NIT1: variants seen among roughly 807,000 people sequenced by gnomAD.
NIT1 encodes the protein deaminated glutathione amidase.
In NIT1, 30 loss-of-function variants were observed where a neutral mutation model predicts 36.8. The observed-to-expected ratio is 0.82, with a 90% CI of 0.61 to 1.11. The LOEUF is 1.11. Ranked by LOEUF, NIT1 falls within the 50% of genes least tolerant of loss-of-function variation. The pLI, the probability that NIT1 is intolerant of heterozygous loss-of-function variation, is 0.00. For missense variants in NIT1, 438 were observed against 410.6 expected, an observed-to-expected ratio of 1.07 and a Z score of -0.58; for synonymous variants, 151 against 155.6, an observed-to-expected ratio of 0.97 and a Z score of 0.22.
At chr1:161,120,023 TAA>T in intron 5 of NIT1, 71 bp downstream of exon 5, 1 of 1,607,470 alleles carries the variant, frequency 6.2e-7, no homozygotes, top group East Asian at 2.2e-5. Context: ...TAGAAAGCCC[TAA>T]GAGAGGGGGT....
At chr1:161,123,956 G>A (rs779214675), downstream of NIT1, 1 of 1,612,816 alleles carries the variant, frequency 6.2e-7, no homozygotes, top group East Asian at 2.2e-5. Flanking sequence ...ACTGTAGGAG[G>A]AGAAGTAATC....
downstream of NIT1, among the ~76,000 whole-genome samples, chr1:161,123,467 G>C (rs1056512957): frequency 1.3e-5 from 2 of 151,948 alleles, no homozygotes; most frequent in African/African-American, 4.8e-5. Flanking sequence ...GTGAAACCCC[G>C]TCTCTAAAAA....
Position 161,120,955 on chromosome 1 carries a change from C to G in NIT1, c.*190C>G, listed in dbSNP as rs974422547. Reference sequence around the variant, plus strand: ...CACCTGAGCTTCACCTGAGGTCAGACTGCAGTTTCAGAAAGGTGGAATTTT... The same window carrying G: ...CACCTGAGCTTCACCTGAGGTCAGAGTGCAGTTTCAGAAAGGTGGAATTTT... On this transcript the variant is annotated 3_prime_UTR_variant, in exon 7 of 7. Coordinates refer to ENST00000368009, the MANE Select transcript of NIT1 (RefSeq NM_005600.3). 8 of 1,420,788 alleles carry G rather than the reference C, an allele frequency of 5.6e-6. No individual in the cohort carries two copies. The African/African-American group carries it at 1.2e-4, about 20-fold the overall frequency. 88.0% of individuals were successfully genotyped at this position (1,420,788 alleles called of 1,614,324 possible). A position where few individuals can be genotyped will look rare whatever the true frequency, so the allele number is the denominator to read the frequency against.
Position 161,120,020 on chromosome 1 carries a change from C to A in NIT1, c.591+68C>A, listed in dbSNP as rs927955933. ...TGAACTGGCAGTAGAGGATAGAAAG[C>A]CCTAAGAGAGGGGGTAATGGAAATA... On this transcript the variant is annotated intron_variant, in intron 5 of 6. Coordinates refer to ENST00000368009, the MANE Select transcript of NIT1 (RefSeq NM_005600.3). 27 of 1,606,316 alleles carry A rather than the reference C, an allele frequency of 1.7e-5. No individual in the cohort carries two copies. In the African/African-American group the frequency reaches 2.9e-4, roughly 18 times the overall value.
At chr1:161,125,298 C>T (rs1006673231), downstream of NIT1, 3 of 152,120 alleles carry the variant, frequency 2.0e-5, no homozygotes, top group Non-Finnish European at 4.4e-5. Context: ...TTCAAAGATA[C>T]AAGCATCCTT....
At chr1:161,121,960 C>G (rs1655543781), downstream of NIT1, 2 of 694,878 alleles carry the variant, frequency 2.9e-6, no homozygotes, top group South Asian at 4.2e-5. Flanking sequence ...AAAGGGGAAG[C>G]CCAGGCACAT....
downstream of NIT1, chr1:161,124,495 AT>A: frequency 6.4e-7 from 1 of 1,572,768 alleles, no homozygotes; most frequent in Non-Finnish European, 8.7e-7. Flanking sequence ...GCTTTCCAGA[AT>A]CCCTGCTCAG....
At chr1:161,119,633 A>G (rs538790022) in intron 4 of NIT1, 21 bp downstream of exon 4, 197 of 1,598,958 alleles carry the variant, frequency 1.2e-4, no homozygotes, top group Admixed American at 4.4e-4. Flanking sequence ...ATAACCCTTT[A>G]GCCTGCCTCT....
chr1:161,119,850 T>C lies in NIT1; in HGVS notation c.489T>C (p.His163=), dbSNP rs772704296. The change falls in exon 5 of 7, where the codon CAT becomes CAC. Residue 163 remains histidine, a synonymous_variant. Transcript: ENST00000368009. ...TAGTGGCCACTTACAGGAAGACACA[T>C]CTGTGTGACGTAGAGATTCCAGGGC... ...GAVVATYRKT[H]LCDVEIPGQG... The C allele has an allele frequency of 1.2e-6, 2 of 1,611,556 alleles. No individual in the cohort carries two copies. The highest frequency in any genetic ancestry group is 2.2e-5 in the South Asian group (2 of 90,748).
downstream of NIT1, chr1:161,124,402 G>A (rs774566958): frequency 1.2e-6 from 2 of 1,613,034 alleles, no homozygotes; most frequent in African/African-American, 2.7e-5. Flanking sequence ...TACAGCCCAT[G>A]TTCCTGCTCA....
At chr1:161,118,494 C>G (rs1292491878) in intron 1 of NIT1, 2 of 1,536,132 alleles carry the variant, frequency 1.3e-6, no homozygotes, top group East Asian at 4.9e-5. Context: ...GGATAGTTCC[C>G]GGAGATGACT....
In NIT1 at chr1:161,119,194, G is replaced by C. The variant is rs1219049807; in HGVS notation, c.159G>C (p.Gln53His). The change falls in exon 3 of 7, where the codon CAG becomes CAC. Residue 53 changes from glutamine to histidine, a missense_variant. Physicochemically the swap from Gln to His is conservative, Grantham distance 24 (BLOSUM62 0). Transcript: ENST00000368009. ...SCELPLVAVC[Q>H]VTSTPDKQQN... ...AACTGCCCCTGGTGGCTGTGTGCCA[G>C]GTAACATCGACGCCAGACAAGCAAC... 2.5e-6 allele frequency: 4 copies of C among 1,614,068 alleles called. No individual in the cohort carries two copies. The highest frequency in any genetic ancestry group is 3.4e-6 in the Non-Finnish European group (4 of 1,180,056).
At chr1:161,123,375 C>G (rs1028418212), downstream of NIT1, among the ~76,000 whole-genome samples, 1 of 152,188 alleles carries the variant, frequency 6.6e-6, no homozygotes, top group African/African-American at 2.4e-5. Flanking sequence ...TGCAGTGGCT[C>G]ACGCCTGTAA....
Position 161,119,861 on chromosome 1 carries a change from T to C in NIT1, c.500T>C (p.Val167Ala), listed in dbSNP as rs375837491. ...TACAGGAAGACACATCTGTGTGACG[T>C]AGAGATTCCAGGGCAGGGGCCTATG... ...ATYRKTHLCDVEIPGQGPMCE... is the reference protein window; with the variant it reads ...ATYRKTHLCDAEIPGQGPMCE... Residue 167 changes from valine (V) to alanine (A), a missense_variant, in exon 5 of 7, where the codon GTA becomes GCA. By Grantham distance (64) the Val-to-Ala change is moderately conservative. Coordinates refer to ENST00000368009, the MANE Select transcript of NIT1 (RefSeq NM_005600.3). 3.7e-6 allele frequency: 6 copies of C among 1,612,480 alleles called. No homozygotes were observed. The highest frequency in any genetic ancestry group is 1.7e-4 in the Middle Eastern group (1 of 5,784).
intron 1 of NIT1, 49 bp downstream of exon 1, chr1:161,118,227 T>C: frequency 2.5e-6 from 4 of 1,613,864 alleles, no homozygotes; most frequent in Non-Finnish European, 3.4e-6. Context: ...CCACCTGCGG[T>C]GCTTTAACTT....
At chr1:161,123,184 C>T (rs1441569513), downstream of NIT1, 8 of 1,614,012 alleles carry the variant, frequency 5.0e-6, no homozygotes, top group Non-Finnish European at 5.9e-6. Flanking sequence ...TCTGAGGACC[C>T]GAAGTGGGGC....
downstream of NIT1, chr1:161,122,164 G>A: frequency 6.2e-7 from 1 of 1,613,460 alleles, no homozygotes; most frequent in Non-Finnish European, 8.5e-7. This position sits in a 1 kb window ranked among gnomAD's most constrained non-coding sequence, Gnocchi z 4.2. Context: ...AATGCTTGCA[G>A]CATCAAGTTC....
downstream of NIT1, chr1:161,125,070 ACAGAGTGAGTCCCC>A (rs1256963134): frequency 6.6e-6 from 1 of 152,296 alleles, no homozygotes; most frequent in African/African-American, 2.4e-5. Context: ...AGCCTGGGTG[ACAGAGTGAGTCCCC>A]CATCTCGGAA....
At chr1:161,122,928 C>T, downstream of NIT1, 1 of 1,479,134 alleles carries the variant, frequency 6.8e-7, no homozygotes, top group Non-Finnish European at 9.4e-7. The surrounding 1 kb of genome is among the most constrained non-coding windows in gnomAD (Gnocchi z 4.2). Context: ...GCAGTTCTTC[C>T]ACCAGACACC....
Sources: gnomAD v4.1 joint callset for allele counts (sites outside exome capture counted in the v4.1 genomes callset) on GRCh38, gnomAD v4.1.1 for gene constraint, Gnocchi (gnomAD v3.1) non-coding constraint, MANE v1.5 for transcripts, NCBI Gene and HGNC (gene_info 2026-07-23, HGNC 2026-07-21) for gene names.